Variants in TCF3 observed in about 807,000 individuals in gnomAD.
The protein encoded by TCF3 is transcription factor 3.
TCF3 carries 54 observed loss-of-function variants against 72.3 expected under a neutral mutation model. That is an observed-to-expected ratio of 0.75 (90% CI 0.60 to 0.94). The LOEUF is 0.94. Ranked by LOEUF, TCF3 falls within the 40% of genes least tolerant of loss-of-function variation. TCF3 has a pLI of 0.00. For synonymous variants in TCF3, 525 were observed against 412.6 expected (o/e 1.27, Z -3.30); for missense variants, 1,078 against 934.4 (o/e 1.15, Z -2.00).
In TCF3 at chr19:1,615,764, T is replaced by C. The variant is rs770520948; in HGVS notation, c.1508A>G (p.Glu503Gly). The change falls in exon 17 of 19, where the codon GAG (glutamate) becomes GGG (glycine). Residue 503 changes from glutamate (E) to glycine (G), a missense_variant. Coordinates refer to ENST00000262965, the MANE Select transcript of TCF3 (RefSeq NM_003200.5). The surrounding 1 kb of genome is among the most constrained non-coding windows in gnomAD (Gnocchi z 7.3). Reference sequence around the variant, plus strand: ...AGCCGCTGACGTGTTCTCCTCGTCCTCCTTCTCCTCCCGCTTGATCTCGCT... The same window carrying C: ...AGCCGCTGACGTGTTCTCCTCGTCCCCCTTCTCCTCCCGCTTGATCTCGCT... ...AASEIKREEK[E>G]DEENTSAADH... is the part of the protein sequence containing the mutation. The C allele has an allele frequency of 3.7e-6, 6 of 1,602,810 alleles. No individual in the cohort carries two copies. Among genetic ancestry groups the C allele is most frequent in the Non-Finnish European group, 5.1e-6 (6 of 1,173,000 alleles).
At chr19:1,625,913 C>T (rs774602209) in intron 6 of TCF3, among the ~76,000 whole-genome samples, 2 of 152,202 alleles carry the variant, frequency 1.3e-5, no homozygotes, top group South Asian at 2.1e-4. Flanking sequence ...GCTGTTTTCA[C>T]GAAGAACGAA....
intron 1 of TCF3, chr19:1,650,587 T>A (rs1289456877): frequency 9.7e-6 from 3 of 307,914 alleles, no homozygotes; most frequent in African/African-American, 6.4e-5. Context: ...GGGCATCAAG[T>A]TGCCAAGTTT....
At chr19:1,643,916 C>A (rs1344010184) in intron 3 of TCF3, among the ~76,000 whole-genome samples, 1 of 152,214 alleles carries the variant, frequency 6.6e-6, no homozygotes, top group East Asian at 1.9e-4. Context: ...GAGAATGCGG[C>A]TGGGGTACCC....
chr19:1,614,081 G>A lies in TCF3; in HGVS notation c.1822+1204C>T, dbSNP rs542716502. ...CTTCCTACTTGGTAGAATGGATGCCGGTCCCCATCAGGGCACCCACTGCTC... is the reference window on the plus strand; with the variant it reads ...CTTCCTACTTGGTAGAATGGATGCCAGTCCCCATCAGGGCACCCACTGCTC... On this transcript the variant is annotated intron_variant, in intron 18 of 18. Transcript: ENST00000262965. The surrounding 1 kb of genome is among the most constrained non-coding windows in gnomAD (Gnocchi z 5.6). Among the ~76,000 whole-genome samples the A allele has an allele frequency of 3.9e-5, 6 of 152,344 alleles. No homozygotes were observed. The highest frequency in any genetic ancestry group is 1.3e-4 in the Admixed American group (2 of 15,308).
intron 2 of TCF3, among the ~76,000 whole-genome samples, chr19:1,648,544 T>A (rs2066486725): frequency 6.6e-6 from 1 of 152,260 alleles, no homozygotes; most frequent in East Asian, 1.9e-4. Context: ...ACTTGTCAGT[T>A]TAACAAAAAA....
chr19:1,637,299 G>A (rs1389756725), intron 3 of TCF3, among the ~76,000 whole-genome samples: 1 of 148,334 alleles, frequency 6.7e-6, no homozygotes, highest in Admixed American at 6.8e-5. Context: ...GGGGATGCCT[G>A]GCAACCTCCT....
Position 1,619,041 on chromosome 19 carries a change from C to T in TCF3, c.1450+70G>A, listed in dbSNP as rs761560717. ...CTGCCCTGGGCTCCCACCCTGACCC[C>T]CACCACTAGAGTGCCTCAGTTTCCC... On this transcript the variant is annotated intron_variant, in intron 16 of 18. Transcript: ENST00000262965. 6 of 1,593,870 alleles carry T rather than the reference C, an allele frequency of 3.8e-6. No individual in the cohort carries two copies. In the African/African-American group the frequency reaches 5.3e-5, roughly 14 times the overall value.
rs2060992624 is a variant in TCF3, at chr19:1,611,635, G to A, written c.*72C>T. The A allele has an allele frequency of 3.9e-6, 6 of 1,549,082 alleles. No homozygotes were observed. In the South Asian group the frequency reaches 7.3e-5, roughly 19 times the overall value. The stretch of plus-strand genomic sequence containing the variant: ...GGTGTGGATGTGGATGAAGCCCGGG[G>A]TCTCGAGTGGCCGTTCTGGGGCCAG... On this transcript the variant is annotated 3_prime_UTR_variant, in exon 19 of 19. Coordinates refer to ENST00000262965, the MANE Select transcript of TCF3 (RefSeq NM_003200.5).
At chr19:1,631,180 T>C (rs1033377690) in intron 5 of TCF3, among the ~76,000 whole-genome samples, 2 of 152,014 alleles carry the variant, frequency 1.3e-5, no homozygotes, top group Non-Finnish European at 2.9e-5. Flanking sequence ...AGGGTCCCTT[T>C]CCCACAGTGG....
intron 3 of TCF3, among the ~76,000 whole-genome samples, chr19:1,633,806 C>T (rs115912421): frequency 2.0e-5 from 3 of 152,294 alleles, no homozygotes; most frequent in East Asian, 1.9e-4. Flanking sequence ...TGGTCCTGCA[C>T]GTGGGCCCTG....
chr19:1,638,311 A>G (rs968409537), intron 3 of TCF3, among the ~76,000 whole-genome samples: 1 of 152,246 alleles, frequency 6.6e-6, no homozygotes, highest in Admixed American at 6.5e-5. Context: ...TAATGATACA[A>G]ATGTTTCCTA....
At position 1,609,334 on chromosome 19, in the gene TCF3, T is replaced by C. The variant is rs902102809; in HGVS notation, c.*2373A>G. 3 of 192,144 alleles carry C rather than the reference T, an allele frequency of 1.6e-5. No individual in the cohort carries two copies. The highest frequency in any genetic ancestry group is 4.7e-5 in the African/African-American group (2 of 42,968). 11.9% of individuals were successfully genotyped at this position (192,144 alleles called of 1,614,324 possible). A position where few individuals can be genotyped will look rare whatever the true frequency, so the allele number is the denominator to read the frequency against. On this transcript the variant is annotated 3_prime_UTR_variant, in exon 19 of 19. Coordinates refer to ENST00000262965, the MANE Select transcript of TCF3 (RefSeq NM_003200.5). ...CGTTTATTGCTACAGTGCTGTTATATACAGGACAGGTCTCTGAATCCACCT... is the reference window on the plus strand; with the variant it reads ...CGTTTATTGCTACAGTGCTGTTATACACAGGACAGGTCTCTGAATCCACCT...
intron 1 of TCF3, among the ~76,000 whole-genome samples, chr19:1,651,989 G>C (rs1324841184): frequency 8.0e-5 from 12 of 150,480 alleles, no homozygotes; most frequent in Admixed American, 6.6e-4. Context: ...CGGTCCTCGC[G>C]CCTAAGTTGC....
chr19:1,619,609 C>A (rs2146008473), intron 14 of TCF3, 135 bp from the exon 15 acceptor site: 2 of 1,365,682 alleles, frequency 1.5e-6, no homozygotes, highest in Non-Finnish European at 2.0e-6. Flanking sequence ...TGCCAGGCAT[C>A]TGGCGCCCGG....
At chr19:1,627,535 TGA>T (rs1474608536) in intron 5 of TCF3, 109 bp from the exon 6 acceptor site, 1 of 973,738 alleles carries the variant, frequency 1.0e-6, no homozygotes, top group Non-Finnish European at 1.6e-6. Context: ...TGCACACGAC[TGA>T]GAGCGCCACG....
At chr19:1,625,020 A>T (rs1215042003) in intron 7 of TCF3, among the ~76,000 whole-genome samples, 1 of 151,916 alleles carries the variant, frequency 6.6e-6, no homozygotes, top group Non-Finnish European at 1.5e-5. Flanking sequence ...TAATTTTTAA[A>T]ATTTTTCGCA....
At chr19:1,647,628 A>C (rs8103453) in intron 2 of TCF3, among the ~76,000 whole-genome samples, 1 of 152,058 alleles carries the variant, frequency 6.6e-6, no homozygotes. Flanking sequence ...GCTCCGGTGC[A>C]CCCAGCCTCC....
intron 2 of TCF3, among the ~76,000 whole-genome samples, chr19:1,648,016 C>T (rs2066388117): frequency 6.6e-6 from 1 of 152,176 alleles, no homozygotes; most frequent in South Asian, 2.1e-4. Context: ...TGACTCAGGC[C>T]CAGGGACTGC....
rs534411206 is a variant in TCF3 at position 1,615,247 on chromosome 19, G to A, written c.1822+38C>T. 9.1e-5 allele frequency: 140 copies of A among 1,542,348 alleles called. No homozygotes were observed. The highest frequency in any genetic ancestry group is 2.6e-5 in the Non-Finnish European group (30 of 1,142,796). On this transcript the variant is annotated intron_variant, in intron 18 of 18. Coordinates refer to ENST00000262965, the MANE Select transcript of TCF3 (RefSeq NM_003200.5). This position sits in a 1 kb window ranked among gnomAD's most constrained non-coding sequence, Gnocchi z 7.3. The stretch of plus-strand genomic sequence containing the variant: ...GAGGGCAGGAACACGAGGGAGGGTG[G>A]CGCTGCAGGGACGCTGGTGGCCCGC...
Sources: allele counts gnomAD v4.1 joint callset (sites outside exome capture counted in the v4.1 genomes callset), GRCh38; gene constraint gnomAD v4.1.1; non-coding constraint Gnocchi (gnomAD v3.1); transcripts MANE v1.5; gene names NCBI Gene and HGNC (gene_info 2026-07-23, HGNC 2026-07-21).